Variants in STK32B observed in about 807,000 individuals in gnomAD.
STK32B encodes serine/threonine-protein kinase 32B.
Under a neutral mutation model 52.6 loss-of-function variants are expected in STK32B, and 43 were observed. The observed-to-expected ratio is 0.82, with a 90% CI of 0.64 to 1.05. STK32B has a LOEUF of 1.05. Among genes scored for constraint, STK32B ranks in the 50% least tolerant of loss-of-function variants. The pLI is 0.00. For missense variants in STK32B, 621 were observed against 534.6 expected (o/e 1.16, Z -1.59); for synonymous variants, 238 against 204.3 (o/e 1.17, Z -1.41).
At chr4:5,337,328 C>T (rs761857455) in intron 4 of STK32B, among the ~76,000 whole-genome samples, 2 of 152,066 alleles carry the variant, frequency 1.3e-5, no homozygotes, top group Non-Finnish European at 2.9e-5. Context: ...AGCGCAGACA[C>T]GCTATTCAAC....
At chr4:5,100,743 C>CT in intron 1 of STK32B, among the ~76,000 whole-genome samples, 1 of 112,472 alleles carries the variant, frequency 8.9e-6, no homozygotes. Flanking sequence ...CCTTCTCTTC[C>CT]TCCCTCCTCC....
intron 6 of STK32B, among the ~76,000 whole-genome samples, chr4:5,428,940 C>T (rs1264472035): frequency 6.6e-6 from 1 of 152,162 alleles, no homozygotes; most frequent in African/African-American, 2.4e-5. Flanking sequence ...ATGACATATC[C>T]AGTGGTTTGC....
intron 5 of STK32B, among the ~76,000 whole-genome samples, chr4:5,403,416 G>A (rs574991340): frequency 1.6e-4 from 25 of 152,158 alleles, no homozygotes; most frequent in Admixed American, 1.2e-3. Context: ...AAAGGCTCTG[G>A]CCCACATTTC....
chr4:5,428,356 C>T (rs1407005405), intron 6 of STK32B, among the ~76,000 whole-genome samples: 3 of 151,914 alleles, frequency 2.0e-5, no homozygotes, highest in African/African-American at 4.8e-5. Flanking sequence ...TGCAGTGAGC[C>T]GAGATAGCAC....
At chr4:5,216,266 T>A (rs940281307) in intron 3 of STK32B, among the ~76,000 whole-genome samples, 1 of 152,124 alleles carries the variant, frequency 6.6e-6, no homozygotes, top group African/African-American at 2.4e-5. Context: ...AGCCACACTT[T>A]AAGAACTGCT....
chr4:5,456,878 C>T lies in STK32B; in HGVS notation c.738C>T (p.His246=), dbSNP rs917967915. Residue 246 remains histidine (H), a synonymous_variant, in exon 8 of 12, where the codon CAC becomes CAT. Coordinates refer to ENST00000282908, the MANE Select transcript of STK32B (RefSeq NM_018401.3). ...ACATGTTCAAGGTGGAGCGTGTCCA[C>T]TACTCCTCCACGTGGTGCAAGGGGA... The part of the protein sequence containing the change: ...ILNMFKVERV[H]YSSTWCKGMV... 48 of 1,596,234 alleles carry T rather than the reference C, an allele frequency of 3.0e-5. No homozygotes were observed. Among genetic ancestry groups the T allele is most frequent in the Non-Finnish European group, 4.1e-5 (48 of 1,170,488 alleles).
intron 3 of STK32B, among the ~76,000 whole-genome samples, chr4:5,314,665 C>T (rs1221074761): frequency 2.0e-5 from 3 of 152,036 alleles, no homozygotes; most frequent in East Asian, 1.9e-4. Context: ...AGCAAGACTC[C>T]GTCTTAAACA....
intron 3 of STK32B, among the ~76,000 whole-genome samples, chr4:5,178,139 C>T (rs1236587857): frequency 6.6e-6 from 1 of 152,238 alleles, no homozygotes; most frequent in Non-Finnish European, 1.5e-5. Context: ...CTGCAGCAGA[C>T]TTCTGCTTGG....
intron 6 of STK32B, among the ~76,000 whole-genome samples, chr4:5,444,416 C>T: frequency 6.6e-6 from 1 of 152,224 alleles, no homozygotes; most frequent in Non-Finnish European, 1.5e-5. Context: ...ACTCCCTGAC[C>T]CCTTGCGCTT....
chr4:5,230,382 GT>G lies in STK32B; in HGVS notation c.260+61935del, dbSNP rs561315764. On this transcript the variant is annotated intron_variant, in intron 3 of 11. Coordinates refer to ENST00000282908, the MANE Select transcript of STK32B (RefSeq NM_018401.3). ...TTTTTGTATTTTTAGTAGAGATGGG[GT>G]TTCACCATATTAGCCAGGCTGGTAT... 9.3e-4 allele frequency among the ~76,000 whole-genome samples: 141 copies of G among 151,532 alleles called. 1 individual carries two copies. The highest frequency in any genetic ancestry group is 3.3e-3 in the African/African-American group (137 of 41,278).
intron 3 of STK32B, among the ~76,000 whole-genome samples, chr4:5,314,269 G>A (rs537657139): frequency 6.6e-6 from 1 of 152,274 alleles, no homozygotes; most frequent in East Asian, 1.9e-4. Flanking sequence ...CAACTGCAAA[G>A]TTTCAAAAGC....
chr4:5,289,910 A>G (rs1259064685), intron 3 of STK32B, among the ~76,000 whole-genome samples: 1 of 151,806 alleles, frequency 6.6e-6, no homozygotes, highest in East Asian at 1.9e-4. Context: ...TTTGTTATAT[A>G]GGTAAATTGT....
chr4:5,457,451 G>C (rs1716651835), intron 8 of STK32B, among the ~76,000 whole-genome samples: 1 of 151,274 alleles, frequency 6.6e-6, no homozygotes, highest in Non-Finnish European at 1.5e-5. Context: ...TCCTGACCTT[G>C]TGATCCGCCA....
chr4:5,451,794 T>G (rs1265124998), intron 7 of STK32B, among the ~76,000 whole-genome samples: 1 of 152,136 alleles, frequency 6.6e-6, no homozygotes, highest in Non-Finnish European at 1.5e-5. Flanking sequence ...ACATATCCCC[T>G]GGGGGACAGT....
chr4:5,216,019 G>A (rs16836881), intron 3 of STK32B, among the ~76,000 whole-genome samples: 6,684 of 152,242 alleles, frequency 0.044, 147 homozygotes, highest in African/African-American at 0.061. Flanking sequence ...ATTGATTCTA[G>A]TTTTGCTTTT....
Position 5,380,066 on chromosome 4 carries a change from A to G in STK32B, c.435-18141A>G, listed in dbSNP as rs1176704695. On this transcript the variant is annotated intron_variant, in intron 4 of 11. Coordinates refer to ENST00000282908, the MANE Select transcript of STK32B (RefSeq NM_018401.3). The surrounding 1 kb of genome is among the most constrained non-coding windows in gnomAD (Gnocchi z 4.3). ...AAACCACTGCCTCGATCACGGGGCT[A>G]TGCTCACTGTGCAGAGCATCTCCCC... Among the ~76,000 whole-genome samples, 1 of 152,120 alleles carries G rather than the reference A, an allele frequency of 6.6e-6. No individual in the cohort carries two copies. The highest frequency in any genetic ancestry group is 1.5e-5 in the Non-Finnish European group (1 of 68,028).
chr4:5,208,028 AAAAC>A (rs1352909740), intron 3 of STK32B, among the ~76,000 whole-genome samples: 2 of 152,152 alleles, frequency 1.3e-5, no homozygotes, highest in African/African-American at 2.4e-5. Flanking sequence ...GCTGCAGTAA[AAAAC>A]AACCCCCAGT....
chr4:5,076,919 A>G (rs13150536), intron 1 of STK32B, among the ~76,000 whole-genome samples: 27,482 of 152,026 alleles, frequency 0.18, 2,673 homozygotes, highest in Non-Finnish European at 0.21. Context: ...TCTTCCTTTT[A>G]TATTGTTATG....
rs1350994354 is a variant in STK32B, at chr4:5,453,466, TCA to T, written c.667-3340_667-3339del. 1.3e-5 allele frequency among the ~76,000 whole-genome samples: 2 copies of T among 152,184 alleles called. No individual in the cohort carries two copies. The highest frequency in any genetic ancestry group is 1.9e-4 in the East Asian group (1 of 5,188). On this transcript the variant is annotated intron_variant, in intron 7 of 11. Transcript: ENST00000282908. The surrounding 1 kb of genome is among the most constrained non-coding windows in gnomAD (Gnocchi z 4.0). Reference sequence around the variant, plus strand: ...GAAAGTCTCTTTTCATCTCCCAGCCTCAGTTTCCTGACGTTTGAAATGAGGGA... The same window carrying T: ...GAAAGTCTCTTTTCATCTCCCAGCCTGTTTCCTGACGTTTGAAATGAGGGA...
Sources: allele counts gnomAD v4.1 joint callset (sites outside exome capture counted in the v4.1 genomes callset), GRCh38; gene constraint gnomAD v4.1.1; non-coding constraint Gnocchi (gnomAD v3.1); transcripts MANE v1.5; gene names NCBI Gene and HGNC (gene_info 2026-07-23, HGNC 2026-07-21).